RAB38: variants seen among roughly 807,000 people sequenced by gnomAD.
The protein encoded by RAB38 is RAB38, member RAS oncogene family, also known as ras-related protein Rab-38.
In RAB38, 15 loss-of-function variants were observed where a neutral mutation model predicts 18.4. That is an observed-to-expected ratio of 0.82 (90% CI 0.55 to 1.26). RAB38 has a LOEUF of 1.26. RAB38 is among the 50% of genes most tolerant of loss of function. RAB38 has a pLI of 0.00. For synonymous variants in RAB38, 101 were observed against 104.4 expected (o/e 0.97, Z 0.20); for missense variants, 294 against 267.4 (o/e 1.10, Z -0.69).
At chr11:87,938,875 A>G in the RAB38 span, among the ~76,000 whole-genome samples, 1 of 151,816 alleles carries the variant, frequency 6.6e-6, no homozygotes, top group African/African-American at 2.4e-5. Context: ...GAGTATTACT[A>G]TATTTATTTT....
chr11:88,013,211 G>A, the RAB38 span, among the ~76,000 whole-genome samples: 1 of 151,394 alleles, frequency 6.6e-6, no homozygotes, highest in Non-Finnish European at 1.5e-5. Flanking sequence ...ATACCTTGGA[G>A]AATATAAATT....
chr11:88,027,325 T>C, the RAB38 span, among the ~76,000 whole-genome samples: 61 of 152,134 alleles, frequency 4.0e-4, no homozygotes, highest in African/African-American at 1.5e-3. Context: ...TGCATTTCCA[T>C]CTGAGGTACT....
chr11:88,160,417 T>C (rs972112871), intron 1 of RAB38, among the ~76,000 whole-genome samples: 1 of 152,148 alleles, frequency 6.6e-6, no homozygotes, highest in Non-Finnish European at 1.5e-5. Context: ...GAAAGCAGTT[T>C]GGAGATTTCT....
At chr11:87,892,002 G>T in the RAB38 span, among the ~76,000 whole-genome samples, 1 of 151,748 alleles carries the variant, frequency 6.6e-6, no homozygotes, top group Non-Finnish European at 1.5e-5. Context: ...ATGATAAGAG[G>T]CATAATTTAT....
At chr11:87,920,548 T>C in the RAB38 span, among the ~76,000 whole-genome samples, 1 of 152,070 alleles carries the variant, frequency 6.6e-6, no homozygotes, top group Non-Finnish European at 1.5e-5. Context: ...GCTTATTTTG[T>C]GGTTTAATAT....
chr11:88,151,367 A>C (rs2134829562), intron 1 of RAB38, among the ~76,000 whole-genome samples: 1 of 152,316 alleles, frequency 6.6e-6, no homozygotes, highest in South Asian at 2.1e-4. Context: ...AAAAATTACA[A>C]GTATTTCAGC....
At chr11:88,010,565 T>A in the RAB38 span, among the ~76,000 whole-genome samples, 1 of 152,080 alleles carries the variant, frequency 6.6e-6, no homozygotes, top group Non-Finnish European at 1.5e-5. Context: ...CCTAATTAGG[T>A]TTGGTCAACT....
the RAB38 span, among the ~76,000 whole-genome samples, chr11:87,960,676 T>A: frequency 1.3e-5 from 2 of 152,206 alleles, no homozygotes; most frequent in Non-Finnish European, 2.9e-5. Flanking sequence ...AACCTGCATT[T>A]CGGTTACATA....
At chr11:87,810,174 C>A in the RAB38 span, among the ~76,000 whole-genome samples, 1 of 152,062 alleles carries the variant, frequency 6.6e-6, no homozygotes, top group Admixed American at 6.6e-5. Flanking sequence ...TTCTATTTTC[C>A]TATTTTTTGT....
chr11:88,163,713 AC>A (rs1943214491), intron 1 of RAB38, among the ~76,000 whole-genome samples: 1 of 152,176 alleles, frequency 6.6e-6, no homozygotes, highest in Non-Finnish European at 1.5e-5. Context: ...ATAGTGACCT[AC>A]TTTTGAAATA....
At chr11:88,121,537 C>T (rs1230942257) in intron 2 of RAB38, among the ~76,000 whole-genome samples, 1 of 152,124 alleles carries the variant, frequency 6.6e-6, no homozygotes, top group Non-Finnish European at 1.5e-5. Context: ...TAGCAAAGCC[C>T]GACTCAAGAA....
At chr11:87,820,698 A>C in the RAB38 span, among the ~76,000 whole-genome samples, 1 of 152,242 alleles carries the variant, frequency 6.6e-6, no homozygotes, top group Non-Finnish European at 1.5e-5. Flanking sequence ...AACCAGCATT[A>C]AAGAACAGCA....
At chr11:88,108,744 T>A (rs1420500593), downstream of RAB38, among the ~76,000 whole-genome samples, 1 of 152,234 alleles carries the variant, frequency 6.6e-6, no homozygotes, top group Non-Finnish European at 1.5e-5. Context: ...GTGTCGATGG[T>A]CTTTACAATT....
At chr11:88,073,930 C>T in the RAB38 span, among the ~76,000 whole-genome samples, 1 of 151,100 alleles carries the variant, frequency 6.6e-6, no homozygotes, top group Non-Finnish European at 1.5e-5. Context: ...AGAATGGACA[C>T]AGCAGAGAGA....
chr11:88,072,249 G>A, the RAB38 span, among the ~76,000 whole-genome samples: 1 of 152,156 alleles, frequency 6.6e-6, no homozygotes, highest in Non-Finnish European at 1.5e-5. Flanking sequence ...AATAATAAAC[G>A]CAATACCAAG....
chr11:87,939,148 T>G, the RAB38 span, among the ~76,000 whole-genome samples: 18 of 152,092 alleles, frequency 1.2e-4, no homozygotes, highest in Admixed American at 6.6e-5. Flanking sequence ...ACTCCCCCAT[T>G]AGAGCTCCCA....
At chr11:88,036,161 A>T in the RAB38 span, among the ~76,000 whole-genome samples, 3 of 152,134 alleles carry the variant, frequency 2.0e-5, no homozygotes, top group African/African-American at 7.2e-5. Context: ...TGGATTCTGG[A>T]TCATTTTGAT....
At chr11:87,951,941 A>G in the RAB38 span, among the ~76,000 whole-genome samples, 1 of 152,126 alleles carries the variant, frequency 6.6e-6, no homozygotes, top group African/African-American at 2.4e-5. Context: ...GGAAATGCAG[A>G]AATCACCTGT....
intron 2 of RAB38, among the ~76,000 whole-genome samples, chr11:88,117,942 A>G (rs1591153429): frequency 6.6e-6 from 1 of 152,236 alleles, no homozygotes; most frequent in African/African-American, 2.4e-5. Flanking sequence ...TGTGCCTTCC[A>G]TTCCTTCATT....
Sources: gnomAD v4.1 joint callset for allele counts (sites outside exome capture counted in the v4.1 genomes callset) on GRCh38, gnomAD v4.1.1 for gene constraint, MANE v1.5 for transcripts, NCBI Gene and HGNC (gene_info 2026-07-23, HGNC 2026-07-21) for gene names.